The following PCDH15 variants were observed in gnomAD, a reference collection of about 807,000 sequenced individuals.
PCDH15 encodes protocadherin related 15.
Under a neutral mutation model 178.5 loss-of-function variants are expected in PCDH15, and 129 were observed. The observed-to-expected ratio is 0.72, with a 90% CI of 0.63 to 0.84. The LOEUF (loss-of-function observed/expected upper bound fraction) is 0.84, where lower values mean the gene tolerates loss of function less well. Among genes scored for constraint, PCDH15 ranks in the 40% least tolerant of loss-of-function variants. The pLI is 0.00. For missense variants in PCDH15, 2,230 were observed against 2,099.9 expected, an observed-to-expected ratio of 1.06 and a Z score of -1.21; for synonymous variants, 800 against 732.0, an observed-to-expected ratio of 1.09 and a Z score of -1.50.
At chr10:54,421,689 TATATACACAC>T (rs1372993859) in intron 3 of PCDH15, among the ~76,000 whole-genome samples, 4 of 104,806 alleles carry the variant, frequency 3.8e-5, no homozygotes, top group African/African-American at 1.3e-4. Flanking sequence ...TATATATATA[TATATACACAC>T]ACACACACAC....
intron 2 of PCDH15, among the ~76,000 whole-genome samples, chr10:54,591,841 A>C (rs1320228103): frequency 1.3e-5 from 2 of 152,174 alleles, no homozygotes; most frequent in Non-Finnish European, 2.9e-5. Flanking sequence ...ACCTGAAAGC[A>C]ACTGTTTTAA....
chr10:54,195,564 CT>C, intron 11 of PCDH15, 118 bp downstream of exon 11: 1 of 855,826 alleles, frequency 1.2e-6, no homozygotes, highest in South Asian at 1.6e-5. Flanking sequence ...CTAAAACTCA[CT>C]TACAGTGACT....
At chr10:54,146,963 A>G (rs11819720) in intron 14 of PCDH15, among the ~76,000 whole-genome samples, 5,406 of 89,154 alleles carry the variant, frequency 0.061, 5 homozygotes, top group African/African-American at 0.083. Flanking sequence ...TATATATATA[A>G]TGTATATATA....
intron 1 of PCDH15, among the ~76,000 whole-genome samples, chr10:54,711,517 G>A (rs2095427787): frequency 6.6e-6 from 1 of 151,820 alleles, no homozygotes. Flanking sequence ...AATCAAATCT[G>A]CTCATGTATC....
chr10:53,875,382 A>G (rs1341324067), intron 26 of PCDH15, among the ~76,000 whole-genome samples: 4 of 151,950 alleles, frequency 2.6e-5, no homozygotes, highest in Non-Finnish European at 5.9e-5. Flanking sequence ...AGTAATAAGG[A>G]GATGTCTAAC....
chr10:55,210,923 G>A (rs1591992061), intron 1 of PCDH15, among the ~76,000 whole-genome samples: 2 of 151,904 alleles, frequency 1.3e-5, no homozygotes, highest in Admixed American at 1.3e-4. Context: ...ACCGTGTCCG[G>A]TCTGATGATT....
chr10:54,545,050 A>C (rs1358730226), intron 2 of PCDH15, among the ~76,000 whole-genome samples: 1 of 152,176 alleles, frequency 6.6e-6, no homozygotes, highest in East Asian at 1.9e-4. Flanking sequence ...TGAACTTGAC[A>C]CTAAGGGAAA....
chr10:54,374,365 C>T (rs914836429), intron 4 of PCDH15, among the ~76,000 whole-genome samples: 5 of 152,166 alleles, frequency 3.3e-5, no homozygotes, highest in Middle Eastern at 3.4e-3. Flanking sequence ...TAATTTCTCT[C>T]GTTTCAAAAG....
intron 2 of PCDH15, among the ~76,000 whole-genome samples, chr10:54,985,636 G>A (rs1256412651): frequency 2.6e-5 from 4 of 152,142 alleles, no homozygotes; most frequent in Non-Finnish European, 5.9e-5. Flanking sequence ...AGAAGCTGTG[G>A]CTAACTACTA....
At chr10:55,549,689 A>G (rs1250843659) in intron 2 of PCDH15, among the ~76,000 whole-genome samples, 1 of 152,116 alleles carries the variant, frequency 6.6e-6, no homozygotes, top group Non-Finnish European at 1.5e-5. Flanking sequence ...TGTTTCTCCT[A>G]ATGACTTGAA....
intron 15 of PCDH15, among the ~76,000 whole-genome samples, chr10:54,101,172 C>T (rs2094805050): frequency 6.6e-6 from 1 of 152,140 alleles, no homozygotes; most frequent in East Asian, 1.9e-4. Flanking sequence ...AGTTTCCCTG[C>T]CCCAGTTCTC....
intron 1 of PCDH15, among the ~76,000 whole-genome samples, chr10:54,744,310 G>C (rs1166914886): frequency 6.6e-6 from 1 of 152,064 alleles, no homozygotes; most frequent in African/African-American, 2.4e-5. Flanking sequence ...AGAAACAGAG[G>C]ATGCAACTAA....
At chr10:54,222,203 A>G (rs2052909530) in intron 9 of PCDH15, among the ~76,000 whole-genome samples, 1 of 152,174 alleles carries the variant, frequency 6.6e-6, no homozygotes. Context: ...TGATATGTCT[A>G]TGTCTAAATG....
intron 2 of PCDH15, among the ~76,000 whole-genome samples, chr10:55,144,884 T>C (rs915554179): frequency 6.6e-6 from 1 of 152,044 alleles, no homozygotes; most frequent in African/African-American, 2.4e-5. Flanking sequence ...AAATAACATA[T>C]AGCAGACTTC....
At chr10:55,370,836 C>G (rs971471445) in intron 2 of PCDH15, among the ~76,000 whole-genome samples, 25 of 152,206 alleles carry the variant, frequency 1.6e-4, no homozygotes, top group African/African-American at 6.0e-4. Flanking sequence ...ACTCACTCTG[C>G]AGTAGCATAG....
chr10:53,864,721 T>C (rs2079329750), intron 27 of PCDH15, among the ~76,000 whole-genome samples: 1 of 152,004 alleles, frequency 6.6e-6, no homozygotes, highest in African/African-American at 2.4e-5. Flanking sequence ...GGTTGCAGTG[T>C]TGCAGTGAGC....
chr10:54,027,189 A>G (rs2135378273), intron 18 of PCDH15, among the ~76,000 whole-genome samples: 1 of 148,832 alleles, frequency 6.7e-6, no homozygotes, highest in South Asian at 2.2e-4. Context: ...TCCCATTCAC[A>G]ATTGCTTCAA....
intron 13 of PCDH15, among the ~76,000 whole-genome samples, chr10:54,163,416 A>AGG (rs2045909463): frequency 6.6e-6 from 1 of 151,840 alleles, no homozygotes; most frequent in African/African-American, 2.4e-5. Flanking sequence ...GGAGAGAGAG[A>AGG]GAGAGCGAGA....
intron 21 of PCDH15, among the ~76,000 whole-genome samples, chr10:53,983,635 C>G (rs906242613): frequency 6.6e-6 from 1 of 152,120 alleles, no homozygotes; most frequent in African/African-American, 2.4e-5. Context: ...GGGAAATGTG[C>G]TTTTCAAAGG....
Sources: allele counts gnomAD v4.1 joint callset (sites outside exome capture counted in the v4.1 genomes callset), GRCh38; gene constraint gnomAD v4.1.1; transcripts MANE v1.5; gene names NCBI Gene and HGNC (gene_info 2026-07-23, HGNC 2026-07-21).